RNF217: variants seen among roughly 807,000 people sequenced by gnomAD.
The protein encoded by RNF217 is ring finger protein 217.
Under a neutral mutation model 57.8 loss-of-function variants are expected in RNF217, and 31 were observed. That is an observed-to-expected ratio of 0.54 (90% CI 0.40 to 0.72). RNF217 has a LOEUF of 0.72. RNF217 is among the 30% of genes least tolerant of loss of function. The pLI, the probability that RNF217 is intolerant of heterozygous loss-of-function variation, is 0.00. For synonymous variants in RNF217, 313 were observed against 294.0 expected, an observed-to-expected ratio of 1.06 and a Z score of -0.66; for missense variants, 696 against 708.3, an observed-to-expected ratio of 0.98 and a Z score of 0.20.
intron 1 of RNF217, among the ~76,000 whole-genome samples, chr6:125,010,022 AG>A (rs1785359011): frequency 6.7e-6 from 1 of 148,580 alleles, no homozygotes; most frequent in African/African-American, 2.5e-5. Context: ...AGGGTCAGAC[AG>A]GTCTTCAGAC....
intron 3 of RNF217, among the ~76,000 whole-genome samples, chr6:125,062,670 G>C (rs887976594): frequency 6.6e-6 from 1 of 151,922 alleles, no homozygotes; most frequent in South Asian, 2.1e-4. Context: ...TTCGTCTCCC[G>C]GGCTCAAGAG....
chr6:125,008,200 G>T (rs1220273486), intron 1 of RNF217, among the ~76,000 whole-genome samples: 1 of 151,850 alleles, frequency 6.6e-6, no homozygotes, highest in Non-Finnish European at 1.5e-5. Context: ...AGCTTGCACT[G>T]AGCTGAGATG....
intron 4 of RNF217, among the ~76,000 whole-genome samples, chr6:125,081,037 G>A (rs1221214203): frequency 3.9e-5 from 6 of 151,968 alleles, no homozygotes; most frequent in Admixed American, 2.0e-4. Context: ...CATGTTATGA[G>A]GTAACAAGAT....
At position 125,088,737 on chromosome 6, in the gene RNF217, A is replaced by G. The variant is rs1386041103; in HGVS notation, c.*5800A>G. The G allele has an allele frequency of 1.3e-5, 2 of 152,116 alleles. No individual in the cohort carries two copies. Among genetic ancestry groups the G allele is most frequent in the Non-Finnish European group, 2.9e-5 (2 of 68,014 alleles). The allele number at this position is 152,116 out of a possible 1,614,324, so 9.4% of individuals were successfully genotyped here. ...TGTCACTTCCTTTTTTCTTCTAAAAATTTTCATTTGGTGTATCTAACTTTG... is the reference window on the plus strand; with the variant it reads ...TGTCACTTCCTTTTTTCTTCTAAAAGTTTTCATTTGGTGTATCTAACTTTG... On this transcript the variant is annotated 3_prime_UTR_variant, in exon 6 of 6. Coordinates refer to ENST00000521654, the MANE Select transcript of RNF217 (RefSeq NM_001286398.3).
rs903875639 is a variant in RNF217, at chr6:125,088,693, C to T, written c.*5756C>T. ...AATAATTTTTTTTAAATACACAAAA[C>T]ATTGCCATTGCCCTTTTTTGTCACT... On this transcript the variant is annotated 3_prime_UTR_variant, in exon 6 of 6. Coordinates refer to ENST00000521654, the MANE Select transcript of RNF217 (RefSeq NM_001286398.3). 1 of 152,070 alleles carries T rather than the reference C, an allele frequency of 6.6e-6. No individual in the cohort carries two copies. The highest frequency in any genetic ancestry group is 1.5e-5 in the Non-Finnish European group (1 of 67,982). 9.4% of individuals were successfully genotyped at this position (152,070 alleles called of 1,614,324 possible). A position where few individuals can be genotyped will look rare whatever the true frequency, so the allele number is the denominator to read the frequency against.
intron 1 of RNF217, among the ~76,000 whole-genome samples, chr6:125,019,525 A>G (rs953551662): frequency 6.6e-6 from 1 of 152,164 alleles, no homozygotes; most frequent in African/African-American, 2.4e-5. Flanking sequence ...ACATTCCTAA[A>G]CCTAAATTTT....
chr6:124,980,129 G>T (rs768921199), intron 1 of RNF217, among the ~76,000 whole-genome samples: 6 of 152,000 alleles, frequency 3.9e-5, no homozygotes, highest in Non-Finnish European at 8.8e-5. Context: ...GGGATTTTTT[G>T]TTTGTTTGTT....
At chr6:125,063,206 A>C (rs1421344656) in intron 3 of RNF217, among the ~76,000 whole-genome samples, 1 of 152,222 alleles carries the variant, frequency 6.6e-6, no homozygotes, top group African/African-American at 2.4e-5. Flanking sequence ...AGTCTGAGTT[A>C]AGAAGAAAAG....
intron 1 of RNF217, among the ~76,000 whole-genome samples, chr6:125,006,472 A>G (rs539474968): frequency 3.9e-5 from 6 of 152,332 alleles, no homozygotes; most frequent in Admixed American, 3.9e-4. Context: ...ATTATTCCAC[A>G]GAAATTTACA....
intron 1 of RNF217, among the ~76,000 whole-genome samples, chr6:124,977,755 G>A (rs891442007): frequency 6.6e-6 from 1 of 152,104 alleles, no homozygotes; most frequent in African/African-American, 2.4e-5. Flanking sequence ...TCTGCTTCTG[G>A]TCATAAGACT....
Position 125,058,116 on chromosome 6 carries a change from C to G in RNF217, c.1281+10C>G. On this transcript the variant is annotated intron_variant, in intron 3 of 5. Transcript: ENST00000521654. ...GTGTCCAAAGTGCAAGGTGAGATAA[C>G]TTTTAGGAGGAAAAGAAAAAACATG... 6.3e-7 allele frequency: 1 copy of G among 1,599,616 alleles called. No individual in the cohort carries two copies. Among genetic ancestry groups the G allele is most frequent in the Non-Finnish European group, 8.5e-7 (1 of 1,173,288 alleles).
At chr6:125,040,140 C>T (rs1485906305) in intron 1 of RNF217, among the ~76,000 whole-genome samples, 1 of 151,920 alleles carries the variant, frequency 6.6e-6, no homozygotes, top group African/African-American at 2.4e-5. Context: ...TCAAAAAAAT[C>T]AATGAATCCA....
intron 1 of RNF217, among the ~76,000 whole-genome samples, chr6:125,014,757 A>G (rs889650048): frequency 6.6e-6 from 1 of 152,118 alleles, no homozygotes; most frequent in Non-Finnish European, 1.5e-5. Flanking sequence ...CCATGAACTC[A>G]TTTTTGTGAT....
intron 1 of RNF217, among the ~76,000 whole-genome samples, chr6:124,983,029 T>C (rs1370371589): frequency 6.6e-6 from 1 of 152,184 alleles, no homozygotes; most frequent in Admixed American, 6.5e-5. Context: ...GATCACTTCA[T>C]AGAGTAATTT....
At position 125,082,482 on chromosome 6, in the gene RNF217, G is replaced by A. The variant is rs558660534; in HGVS notation, c.1556-382G>A. ...ATTAAGACTTACTGGAACCTCATAA[G>A]TGGTAGAACCAGGAATCAAACCCAA... On this transcript the variant is annotated intron_variant, in intron 5 of 5. Coordinates refer to ENST00000521654, the MANE Select transcript of RNF217 (RefSeq NM_001286398.3). The A allele has an allele frequency of 3.7e-6, 6 of 1,612,334 alleles. No individual in the cohort carries two copies. The African/African-American group carries it at 8.0e-5, about 22-fold the overall frequency.
intron 1 of RNF217, among the ~76,000 whole-genome samples, chr6:124,987,130 A>G (rs1200841130): frequency 6.6e-6 from 1 of 152,180 alleles, no homozygotes; most frequent in South Asian, 2.1e-4. Context: ...TGCCTTTTAG[A>G]ATTTCATTAC....
intron 1 of RNF217, among the ~76,000 whole-genome samples, chr6:124,998,736 G>C (rs977577211): frequency 6.6e-6 from 1 of 152,188 alleles, no homozygotes; most frequent in African/African-American, 2.4e-5. Context: ...GGGAGGGGGA[G>C]GCTGCAGTGA....
chr6:124,980,224 T>C (rs956386809), intron 1 of RNF217, among the ~76,000 whole-genome samples: 13 of 152,232 alleles, frequency 8.5e-5, no homozygotes, highest in Non-Finnish European at 1.8e-4. Flanking sequence ...CATAATTATT[T>C]CACTGATTGT....
intron 1 of RNF217, among the ~76,000 whole-genome samples, chr6:124,979,619 A>T (rs974464767): frequency 6.6e-6 from 1 of 152,188 alleles, no homozygotes; most frequent in Non-Finnish European, 1.5e-5. Flanking sequence ...CAGCACAGAG[A>T]GCAGAGGGGA....
Sources: gnomAD v4.1 joint callset for allele counts (sites outside exome capture counted in the v4.1 genomes callset) on GRCh38, gnomAD v4.1.1 for gene constraint, MANE v1.5 for transcripts, NCBI Gene and HGNC (gene_info 2026-07-23, HGNC 2026-07-21) for gene names.